Variants in PHKB observed in about 807,000 individuals in gnomAD.
The protein encoded by PHKB is phosphorylase kinase regulatory subunit beta.
PHKB carries 122 observed loss-of-function variants against 152.1 expected under a neutral mutation model. The ratio of observed to expected loss-of-function variants is 0.80; its 90% CI spans 0.69 to 0.93. The LOEUF (loss-of-function observed/expected upper bound fraction) is 0.93. Ranked by LOEUF, PHKB falls within the 40% of genes least tolerant of loss-of-function variation. PHKB has a pLI of 0.00. For missense variants in PHKB, 1,304 were observed against 1,328.4 expected (o/e 0.98, Z 0.29); for synonymous variants, 436 against 464.9 (o/e 0.94, Z 0.80).
At chr16:47,580,438 T>G (rs1971823314) in intron 8 of PHKB, 80 bp downstream of exon 8, 1 of 1,039,106 alleles carries the variant, frequency 9.6e-7, no homozygotes, top group African/African-American at 1.6e-5. Flanking sequence ...ACAAAGTCAT[T>G]TCCTTATAAT....
intron 7 of PHKB, among the ~76,000 whole-genome samples, chr16:47,568,904 T>C (rs1044386036): frequency 1.3e-5 from 2 of 152,226 alleles, no homozygotes; most frequent in East Asian, 3.8e-4. Context: ...ATGATTTTGA[T>C]TTTTTAAATT....
At chr16:47,575,133 T>G (rs536099241) in intron 7 of PHKB, among the ~76,000 whole-genome samples, 3 of 152,206 alleles carry the variant, frequency 2.0e-5, no homozygotes, top group Non-Finnish European at 4.4e-5. Flanking sequence ...ATCAGAGAAA[T>G]GCAAATTAAA....
At chr16:47,680,051 G>A (rs1973818273) in intron 26 of PHKB, among the ~76,000 whole-genome samples, 1 of 152,164 alleles carries the variant, frequency 6.6e-6, no homozygotes, top group African/African-American at 2.4e-5. Flanking sequence ...CTTTGGTTCT[G>A]TTTATATGCT....
At chr16:47,509,280 ATCT>A (rs1970469433) in intron 4 of PHKB, among the ~76,000 whole-genome samples, 1 of 152,226 alleles carries the variant, frequency 6.6e-6, no homozygotes, top group African/African-American at 2.4e-5. Context: ...AGGGATAGTC[ATCT>A]TCTCTGAATT....
chr16:47,527,556 G>A (rs1479849395), intron 6 of PHKB, among the ~76,000 whole-genome samples: 1 of 152,040 alleles, frequency 6.6e-6, no homozygotes, highest in Non-Finnish European at 1.5e-5. Context: ...GAAAGTGCAC[G>A]GCAATAAATT....
At chr16:47,505,346 G>A (rs919467814) in intron 4 of PHKB, 1 of 152,278 alleles carries the variant, frequency 6.6e-6, no homozygotes, top group Non-Finnish European at 1.5e-5. Flanking sequence ...CCCAGAAAAG[G>A]TGTTGGTTGA....
At chr16:47,690,022 C>CTA (rs2142103099) in intron 27 of PHKB, among the ~76,000 whole-genome samples, 1 of 152,256 alleles carries the variant, frequency 6.6e-6, no homozygotes, top group East Asian at 1.9e-4. Context: ...ACTTGCCCTG[C>CTA]TAGACATTAA....
intron 7 of PHKB, among the ~76,000 whole-genome samples, chr16:47,556,177 A>G (rs1056289012): frequency 3.9e-5 from 6 of 152,300 alleles, no homozygotes; most frequent in South Asian, 4.1e-4. Flanking sequence ...GGCTGAGACA[A>G]TGGAGTTTTC....
chr16:47,591,414 C>T (rs527928710), intron 10 of PHKB, among the ~76,000 whole-genome samples: 5 of 152,280 alleles, frequency 3.3e-5, no homozygotes, highest in South Asian at 4.1e-4. Flanking sequence ...ATTACTGAGT[C>T]GGAGTGGATG....
At chr16:47,500,466 C>A (rs1317197831) in intron 3 of PHKB, among the ~76,000 whole-genome samples, 1 of 152,214 alleles carries the variant, frequency 6.6e-6, no homozygotes, top group African/African-American at 2.4e-5. Context: ...TACCTGCCCA[C>A]TCTCATTGTG....
intron 8 of PHKB, among the ~76,000 whole-genome samples, chr16:47,586,519 A>T (rs1008222082): frequency 1.3e-5 from 2 of 152,206 alleles, no homozygotes; most frequent in Non-Finnish European, 2.9e-5. Flanking sequence ...GCTAATTTTC[A>T]TGTACAAACA....
intron 25 of PHKB, among the ~76,000 whole-genome samples, chr16:47,666,645 T>C (rs1973544508): frequency 6.6e-6 from 1 of 152,256 alleles, no homozygotes; most frequent in South Asian, 2.1e-4. Flanking sequence ...TTTGAATGTG[T>C]GTCTCTCACC....
At chr16:47,526,364 C>A (rs573561548) in intron 6 of PHKB, among the ~76,000 whole-genome samples, 1 of 151,630 alleles carries the variant, frequency 6.6e-6, no homozygotes, top group Admixed American at 6.6e-5. Context: ...GAGCCGAGAT[C>A]GTGCCATTGC....
intron 7 of PHKB, among the ~76,000 whole-genome samples, chr16:47,578,245 A>C (rs1175539265): frequency 6.6e-6 from 1 of 152,126 alleles, no homozygotes; most frequent in Non-Finnish European, 1.5e-5. Flanking sequence ...TTATTGAAGC[A>C]CTTTTATCAT....
intron 26 of PHKB, among the ~76,000 whole-genome samples, chr16:47,681,828 T>G (rs928687233): frequency 6.6e-6 from 1 of 152,214 alleles, no homozygotes; most frequent in Non-Finnish European, 1.5e-5. Context: ...GTTAGCTGGT[T>G]ATTTTGCTCG....
chr16:47,569,350 T>C (rs1971619921), intron 7 of PHKB, among the ~76,000 whole-genome samples: 1 of 152,228 alleles, frequency 6.6e-6, no homozygotes, highest in Non-Finnish European at 1.5e-5. Context: ...TCCATTCATG[T>C]GTAATATATT....
At chr16:47,577,776 G>T (rs1971774640) in intron 7 of PHKB, among the ~76,000 whole-genome samples, 1 of 152,096 alleles carries the variant, frequency 6.6e-6, no homozygotes, top group South Asian at 2.1e-4. Context: ...CTACTGTCAA[G>T]ATTTTTTTCT....
chr16:47,550,535 A>G (rs1488282226), intron 7 of PHKB, among the ~76,000 whole-genome samples: 1 of 152,166 alleles, frequency 6.6e-6, no homozygotes, highest in African/African-American at 2.4e-5. Flanking sequence ...CTGTACCAGG[A>G]GTCAGAGAGA....
chr16:47,539,142 T>C lies in PHKB; in HGVS notation c.595-8291T>C, dbSNP rs549705300. Reference sequence around the variant, plus strand: ...TAATCTTGGTTTTCCATAGTTTCTTTTGAGAGTATAAATTTTGTCACATGT... The same window carrying C: ...TAATCTTGGTTTTCCATAGTTTCTTCTGAGAGTATAAATTTTGTCACATGT... On this transcript the variant is annotated intron_variant, in intron 6 of 30. Coordinates refer to ENST00000323584, the MANE Select transcript of PHKB (RefSeq NM_000293.3). 7.2e-5 allele frequency among the ~76,000 whole-genome samples: 11 copies of C among 152,318 alleles called. 1 individual carries two copies. The highest frequency in any genetic ancestry group is 4.1e-4 in the South Asian group (2 of 4,830).
Sources: gnomAD v4.1 joint callset for allele counts (sites outside exome capture counted in the v4.1 genomes callset) on GRCh38, gnomAD v4.1.1 for gene constraint, MANE v1.5 for transcripts, NCBI Gene and HGNC (gene_info 2026-07-23, HGNC 2026-07-21) for gene names.